Variants in TMPRSS15 observed in about 807,000 individuals in gnomAD.
TMPRSS15 encodes transmembrane serine protease 15, also known as enteropeptidase.
In TMPRSS15, 128 loss-of-function variants were observed where a neutral mutation model predicts 125.3. The observed-to-expected ratio is 1.02, with a 90% CI of 0.89 to 1.18. The LOEUF is 1.18. TMPRSS15 is among the 50% of genes most tolerant of loss of function. TMPRSS15 has a pLI of 0.00. For missense variants in TMPRSS15, 1,283 were observed against 1,212.7 expected (o/e 1.06, Z -0.86); for synonymous variants, 446 against 423.2 (o/e 1.05, Z -0.66).
chr21:18,270,522 C>A (rs954673078), intron 24 of TMPRSS15, among the ~76,000 whole-genome samples: 4 of 152,110 alleles, frequency 2.6e-5, no homozygotes, highest in Admixed American at 6.6e-5. Flanking sequence ...ATGGAAAAGA[C>A]AAATTATTTC....
chr21:18,344,472 T>C (rs1347755768), intron 10 of TMPRSS15, among the ~76,000 whole-genome samples: 6 of 152,202 alleles, frequency 3.9e-5, no homozygotes, highest in African/African-American at 1.4e-4. Flanking sequence ...AAATACAAAT[T>C]TGAAGGCAAA....
chr21:18,478,015 A>T (rs1978911702), intron 1 of TMPRSS15, among the ~76,000 whole-genome samples: 1 of 152,082 alleles, frequency 6.6e-6, no homozygotes, highest in Admixed American at 6.6e-5. Context: ...TCTGTGAGGA[A>T]TGGAATACAT....
chr21:18,452,961 A>G (rs1978369759), intron 1 of TMPRSS15, among the ~76,000 whole-genome samples: 1 of 152,166 alleles, frequency 6.6e-6, no homozygotes, highest in African/African-American at 2.4e-5. Context: ...CGTGCAACAT[A>G]AGATCTACCA....
At chr21:18,406,431 G>C (rs992696338), upstream of TMPRSS15, among the ~76,000 whole-genome samples, 3 of 152,054 alleles carry the variant, frequency 2.0e-5, no homozygotes, top group Non-Finnish European at 2.9e-5. Flanking sequence ...TACAATAGCT[G>C]CTATGGCTTA....
At chr21:18,310,996 C>G (rs577281309) in intron 18 of TMPRSS15, among the ~76,000 whole-genome samples, 68 of 147,604 alleles carry the variant, frequency 4.6e-4, no homozygotes, top group African/African-American at 1.6e-3. Flanking sequence ...GAAGAACAAT[C>G]GCTTCAGTAG....
intron 10 of TMPRSS15, among the ~76,000 whole-genome samples, chr21:18,348,144 C>T (rs112154409): frequency 2.5e-4 from 38 of 151,762 alleles, no homozygotes; most frequent in African/African-American, 8.3e-4. Context: ...ATGATTATGC[C>T]ACTGTACTCC....
intron 9 of TMPRSS15, 102 bp downstream of exon 9, chr21:18,353,621 T>A: frequency 1.8e-6 from 2 of 1,085,426 alleles, no homozygotes; most frequent in Non-Finnish European, 2.7e-6. Context: ...ATACTCATTA[T>A]AAAATTACAT....
At position 18,379,184 on chromosome 21, in the gene TMPRSS15, T is replaced by A. The variant is rs577448518; in HGVS notation, c.532+99A>T. On this transcript the variant is annotated intron_variant, in intron 5 of 24. Coordinates refer to ENST00000284885, the MANE Select transcript of TMPRSS15 (RefSeq NM_002772.3). ...TCTTGTCTATAAAATAGGCACAATATTTATTGCTAAGGCACCAGAGACTTC... is the reference window on the plus strand; with the variant it reads ...TCTTGTCTATAAAATAGGCACAATAATTATTGCTAAGGCACCAGAGACTTC... The A allele has an allele frequency of 2.5e-5, 12 of 481,754 alleles. No individual in the cohort carries two copies. In the East Asian group the frequency reaches 4.0e-4, roughly 16 times the overall value. The allele number at this position is 481,754 out of a possible 1,614,324, so 29.8% of individuals were successfully genotyped here.
rs185569007 is a variant in TMPRSS15, at chr21:18,303,631, G to C, written c.2166-5802C>G. 3.7e-4 allele frequency among the ~76,000 whole-genome samples: 57 copies of C among 152,130 alleles called. No individual in the cohort carries two copies. In the East Asian group the frequency reaches 9.3e-3, roughly 25 times the overall value. ...GAAACCTCCTCTTTTCCAAATAACA[G>C]GATCTAAGGAAATGATAAAGGACAT... On this transcript the variant is annotated intron_variant, in intron 18 of 24. Coordinates refer to ENST00000284885, the MANE Select transcript of TMPRSS15 (RefSeq NM_002772.3).
chr21:18,297,165 A>C lies in TMPRSS15; in HGVS notation c.2261+569T>G, dbSNP rs922631211. Among the ~76,000 whole-genome samples, 3 of 152,352 alleles carry C rather than the reference A, an allele frequency of 2.0e-5. 1 individual carries two copies. Among genetic ancestry groups the C allele is most frequent in the Admixed American group, 6.5e-5 (1 of 15,304 alleles). On this transcript the variant is annotated intron_variant, in intron 19 of 24. Transcript: ENST00000284885. ...GCTAAAACAGATCTTTGAATACAGG[A>C]AAGATGCTGCTTTTTAATACCTTAG...
At chr21:18,297,169 A>G (rs561303285) in intron 19 of TMPRSS15, among the ~76,000 whole-genome samples, 1 of 152,360 alleles carries the variant, frequency 6.6e-6, no homozygotes, top group East Asian at 1.9e-4. Context: ...TACAGGAAAG[A>G]TGCTGCTTTT....
Position 18,397,860 on chromosome 21 carries a change from A to C in TMPRSS15, c.344+19T>G, listed in dbSNP as rs1396413045. 1 of 1,438,922 alleles carries C rather than the reference A, an allele frequency of 6.9e-7. No individual in the cohort carries two copies. The highest frequency in any genetic ancestry group is 9.5e-7 in the Non-Finnish European group (1 of 1,047,570). The allele number at this position is 1,438,922 out of a possible 1,614,324, so 89.1% of individuals were successfully genotyped here. ...ATCACTAATTTTCCATCAGTAGAAA[A>C]TTTTTGAGCTATACTCACTCAAATT... On this transcript the variant is annotated intron_variant, in intron 3 of 24. Transcript: ENST00000284885.
intron 1 of TMPRSS15, among the ~76,000 whole-genome samples, chr21:18,416,681 T>C (rs2076181076): frequency 6.6e-6 from 1 of 152,074 alleles, no homozygotes; most frequent in African/African-American, 2.4e-5. Flanking sequence ...TGCAGCATAT[T>C]GTAAAGAACT....
At position 18,456,640 on chromosome 21, in the gene TMPRSS15, G is replaced by A. The variant is rs77609403; in HGVS notation, c.10+29159C>T. On this transcript the variant is annotated intron_variant, in intron 1 of 7. Coordinates refer to the TMPRSS15 transcript ENST00000422787. Reference sequence around the variant, plus strand: ...AAATGTTAAGCAAGACTCTTACTATGAAGCTAGTTAGAATTGTTAATTAGA... The same window carrying A: ...AAATGTTAAGCAAGACTCTTACTATAAAGCTAGTTAGAATTGTTAATTAGA... Among the ~76,000 whole-genome samples, 896 of 152,118 alleles carry A rather than the reference G, an allele frequency of 5.9e-3. 6 individuals carry two copies. Among genetic ancestry groups the A allele is most frequent in the Non-Finnish European group, 8.9e-3 (606 of 67,928 alleles).
intron 1 of TMPRSS15, among the ~76,000 whole-genome samples, chr21:18,421,277 C>T (rs1376404577): frequency 1.3e-5 from 2 of 152,098 alleles, no homozygotes; most frequent in Non-Finnish European, 2.9e-5. Context: ...TTCAGTACTC[C>T]ACTCTGATTG....
Position 18,341,455 on chromosome 21 carries a change from G to C in TMPRSS15, c.1522C>G (p.Pro508Ala), listed in dbSNP as rs1038533531. The C allele has an allele frequency of 1.2e-6, 2 of 1,614,082 alleles. No homozygotes were observed. The highest frequency in any genetic ancestry group is 1.3e-5 in the African/African-American group (1 of 75,004). ...TYGICNGSLY[P>A]EPTLVPTPPP... Reference sequence around the variant, plus strand: ...GGAGTTGGCACCAAAGTTGGTTCTGGATAAAGACTCCCATTGCAAATCCCA... The same window carrying C: ...GGAGTTGGCACCAAAGTTGGTTCTGCATAAAGACTCCCATTGCAAATCCCA... Residue 508 changes from proline to alanine, a missense_variant, in exon 13 of 25, where the codon CCA (proline) becomes GCA (alanine). Physicochemically the swap from Pro to Ala is conservative, Grantham distance 27. Transcript: ENST00000284885.
intron 3 of TMPRSS15, among the ~76,000 whole-genome samples, chr21:18,385,799 A>G (rs776780346): frequency 2.0e-5 from 3 of 151,950 alleles, no homozygotes; most frequent in Non-Finnish European, 4.4e-5. Flanking sequence ...GCTGGAGTGC[A>G]GCGGCACGAT....
chr21:18,372,485 G>A (rs1465217886), intron 5 of TMPRSS15, among the ~76,000 whole-genome samples, 161 bp from the exon 6 acceptor site: 5 of 152,084 alleles, frequency 3.3e-5, no homozygotes, highest in Admixed American at 1.3e-4. Flanking sequence ...TGTAAAATTA[G>A]AGCATTTTAA....
intron 3 of TMPRSS15, among the ~76,000 whole-genome samples, chr21:18,396,792 A>AAAATCTGTCTGTCTT: frequency 8.9e-6 from 1 of 112,792 alleles, no homozygotes; most frequent in Non-Finnish European, 1.8e-5. Flanking sequence ...AAAAAAAAAA[A>AAAATCTGTCTGTCTT]TCTGTCTGTC....
Sources: allele counts gnomAD v4.1 joint callset (sites outside exome capture counted in the v4.1 genomes callset), GRCh38; gene constraint gnomAD v4.1.1; transcripts MANE v1.5; gene names NCBI Gene and HGNC (gene_info 2026-07-23, HGNC 2026-07-21).